PPP1R1C: variants seen among roughly 807,000 people sequenced by gnomAD.
PPP1R1C encodes protein phosphatase 1 regulatory inhibitor subunit 1C.
PPP1R1C carries 15 observed loss-of-function variants against 17.4 expected under a neutral mutation model. That is an observed-to-expected ratio of 0.86 (90% CI 0.58 to 1.33). The LOEUF (loss-of-function observed/expected upper bound fraction) is 1.33. Among genes scored for constraint, PPP1R1C ranks in the 40% most tolerant of loss-of-function variants. The probability of loss-of-function intolerance (pLI) is 0.00; values close to 1 mark genes in which losing one functional copy is unlikely to be tolerated. For missense variants in PPP1R1C, 143 were observed against 130.0 expected, an observed-to-expected ratio of 1.10 and a Z score of -0.48; for synonymous variants, 35 against 43.1, an observed-to-expected ratio of 0.81 and a Z score of 0.73.
At chr2:182,106,232 G>A (rs1366722012) in intron 4 of PPP1R1C, among the ~76,000 whole-genome samples, 1 of 152,212 alleles carries the variant, frequency 6.6e-6, no homozygotes, top group East Asian at 1.9e-4. Context: ...GGGGACCTAA[G>A]TGAGGACAGG....
chr2:182,012,663 G>T (rs1396070756), intron 2 of PPP1R1C, among the ~76,000 whole-genome samples: 1 of 151,910 alleles, frequency 6.6e-6, no homozygotes, highest in African/African-American at 2.4e-5. Context: ...TTGTTTTCTG[G>T]TTGTTTTGTG....
intron 2 of PPP1R1C, among the ~76,000 whole-genome samples, chr2:182,049,332 CAAAAAA>C (rs3064024): frequency 1.3e-5 from 1 of 77,966 alleles, no homozygotes; most frequent in Non-Finnish European, 2.6e-5. Context: ...GATTCCATCT[CAAAAAA>C]AAAAAAAAAA....
chr2:181,955,019 C>CTT (rs1190472673), intron 1 of PPP1R1C, among the ~76,000 whole-genome samples: 1 of 152,206 alleles, frequency 6.6e-6, no homozygotes, highest in African/African-American at 2.4e-5. Context: ...TAGGTGACCT[C>CTT]TGTCAGCTTT....
intron 2 of PPP1R1C, among the ~76,000 whole-genome samples, chr2:182,020,930 A>G (rs1265943381): frequency 1.3e-5 from 2 of 152,192 alleles, no homozygotes; most frequent in African/African-American, 4.8e-5. Context: ...TTATCCAAAT[A>G]CACTTGTCTG....
At chr2:181,965,030 G>C (rs1684882688) in intron 1 of PPP1R1C, among the ~76,000 whole-genome samples, 1 of 152,154 alleles carries the variant, frequency 6.6e-6, no homozygotes, top group South Asian at 2.1e-4. Context: ...AGTTTAGTAT[G>C]CATATCTCTG....
At position 181,976,024 on chromosome 2, in the gene PPP1R1C, T is replaced by C. The variant is rs1187865163; in HGVS notation, n.157+760T>C. Among the ~76,000 whole-genome samples, 2 of 152,136 alleles carry C rather than the reference T, an allele frequency of 1.3e-5. No homozygotes were observed. The highest frequency in any genetic ancestry group is 2.9e-5 in the Non-Finnish European group (2 of 67,960). ...ACCTTAAAAATATTATTTAAAATTA[T>C]CTTTGTTATTCTGGCTCTTAATTTT... is the stretch of plus-strand genomic sequence containing the variant. On this transcript the variant is annotated intron_variant and non_coding_transcript_variant, in intron 2 of 5. Transcript: ENST00000464264. This position sits in a 1 kb window ranked among gnomAD's most constrained non-coding sequence, Gnocchi z 4.8.
chr2:181,970,964 G>A (rs1684995951), intron 1 of PPP1R1C, among the ~76,000 whole-genome samples: 1 of 151,866 alleles, frequency 6.6e-6, no homozygotes, highest in South Asian at 2.1e-4. Flanking sequence ...TGTCCCTTCA[G>A]GCCAGTGGGC....
At chr2:181,955,844 C>T (rs906240138) in intron 1 of PPP1R1C, among the ~76,000 whole-genome samples, 1 of 152,038 alleles carries the variant, frequency 6.6e-6, no homozygotes. Context: ...TTGGTCTAGT[C>T]TTTTGTCTAT....
At chr2:181,991,746 A>G (rs940598432) in intron 2 of PPP1R1C, among the ~76,000 whole-genome samples, 1 of 152,106 alleles carries the variant, frequency 6.6e-6, no homozygotes, top group Admixed American at 6.5e-5. Flanking sequence ...TCCTCTTCTG[A>G]TTAAGGGCCT....
chr2:182,115,573 C>T (rs1322646595), intron 4 of PPP1R1C, among the ~76,000 whole-genome samples: 1 of 152,082 alleles, frequency 6.6e-6, no homozygotes, highest in Non-Finnish European at 1.5e-5. Flanking sequence ...AAACCCTCTT[C>T]CCTTTCCCTG....
At chr2:181,990,306 T>G (rs1327240343) in intron 2 of PPP1R1C, among the ~76,000 whole-genome samples, 1 of 148,442 alleles carries the variant, frequency 6.7e-6, no homozygotes, top group East Asian at 2.0e-4. Flanking sequence ...GCCCGGCTAA[T>G]TTTTTTGTAT....
intron 2 of PPP1R1C, among the ~76,000 whole-genome samples, chr2:182,022,537 C>A (rs1421679200): frequency 2.0e-5 from 3 of 152,180 alleles, no homozygotes; most frequent in African/African-American, 7.2e-5. Flanking sequence ...ACTCCTACTC[C>A]ATCCCCACAC....
At chr2:182,028,551 G>C (rs1332367347) in intron 2 of PPP1R1C, among the ~76,000 whole-genome samples, 3 of 152,116 alleles carry the variant, frequency 2.0e-5, no homozygotes, top group Non-Finnish European at 2.9e-5. Context: ...CTGAGTTCTA[G>C]TTTGATTGCA....
At chr2:182,056,971 G>T (rs1458225353) in intron 2 of PPP1R1C, among the ~76,000 whole-genome samples, 3 of 152,120 alleles carry the variant, frequency 2.0e-5, no homozygotes, top group Admixed American at 1.3e-4. Context: ...GGAAGTAATG[G>T]ATTCTGCCTT....
chr2:181,955,024 A>G (rs1440912711), intron 1 of PPP1R1C, among the ~76,000 whole-genome samples: 2 of 152,220 alleles, frequency 1.3e-5, no homozygotes, highest in Non-Finnish European at 1.5e-5. Flanking sequence ...GACCTCTGTC[A>G]GCTTTATAAG....
At chr2:182,046,109 C>CTTCCTTCT (rs926940732) in intron 2 of PPP1R1C, among the ~76,000 whole-genome samples, 2 of 23,360 alleles carry the variant, frequency 8.6e-5, no homozygotes, top group Non-Finnish European at 4.2e-4. Context: ...TCCTTCCTTC[C>CTTCCTTCT]TTCCTTCCTT....
chr2:182,114,499 T>G (rs1249572619), intron 4 of PPP1R1C, among the ~76,000 whole-genome samples: 1 of 152,168 alleles, frequency 6.6e-6, no homozygotes, highest in Non-Finnish European at 1.5e-5. Flanking sequence ...CTCAGCAGGC[T>G]TCTCACTTTA....
intron 4 of PPP1R1C, among the ~76,000 whole-genome samples, chr2:182,107,496 G>T (rs1689288762): frequency 6.6e-6 from 1 of 152,140 alleles, no homozygotes; most frequent in African/African-American, 2.4e-5. Context: ...CAAAAACATT[G>T]TAGAGACGGA....
chr2:182,053,331 T>G lies in PPP1R1C; in HGVS notation c.143-8111T>G, dbSNP rs145216077. ...GAGCGAATAGTTGATCTTTTATTTT[T>G]AAACACTTTGGAATGTATAAATATA... On this transcript the variant is annotated intron_variant, in intron 2 of 4. Coordinates refer to ENST00000682840, the MANE Select transcript of PPP1R1C (RefSeq NM_001080545.3). 3.9e-3 allele frequency among the ~76,000 whole-genome samples: 598 copies of G among 152,336 alleles called. 6 individuals are homozygous for G. The highest frequency in any genetic ancestry group is 0.014 in the African/African-American group (574 of 41,580).
Sources: allele counts gnomAD v4.1 joint callset (sites outside exome capture counted in the v4.1 genomes callset), GRCh38; gene constraint gnomAD v4.1.1; non-coding constraint Gnocchi (gnomAD v3.1); transcripts MANE v1.5; gene names NCBI Gene and HGNC (gene_info 2026-07-23, HGNC 2026-07-21).